Variants in MYO5A observed in about 807,000 individuals in gnomAD.
MYO5A encodes unconventional myosin-Va.
In MYO5A, 98 loss-of-function variants were observed where a neutral mutation model predicts 249.7. That is an observed-to-expected ratio of 0.39 (90% CI 0.33 to 0.46). The LOEUF is 0.46. Ranked by LOEUF, MYO5A falls within the 20% of genes least tolerant of loss-of-function variation. The pLI is 0.98. For missense variants in MYO5A, 1,696 were observed against 2,308.8 expected, an observed-to-expected ratio of 0.73 and a Z score of 5.44; for synonymous variants, 778 against 810.6, an observed-to-expected ratio of 0.96 and a Z score of 0.68.
intron 1 of MYO5A, among the ~76,000 whole-genome samples, chr15:52,444,848 T>C (rs1055185283): frequency 3.3e-5 from 5 of 152,180 alleles, no homozygotes; most frequent in Non-Finnish European, 7.3e-5. Context: ...TTTTTTAAAT[T>C]TTAACTAAAA....
At chr15:52,323,936 G>A (rs961296706) in intron 36 of MYO5A, 5 of 169,944 alleles carry the variant, frequency 2.9e-5, no homozygotes, top group Admixed American at 2.0e-4. Context: ...TCCAGGAGGC[G>A]GAGATTGTAG....
rs569148566 is a variant in MYO5A at position 52,331,604 on chromosome 15, T to A, written c.4409-1105A>T. ...TTAATATTGCTGACTCCACGAGGTG[T>A]CAGTAGTGCTTCTTGTGTCACTCTG... On this transcript the variant is annotated intron_variant, in intron 34 of 41. Coordinates refer to ENST00000399233, the MANE Select transcript of MYO5A (RefSeq NM_001382347.1). 82 of 885,416 alleles carry A rather than the reference T, an allele frequency of 9.3e-5. No individual in the cohort carries two copies. In the African/African-American group the frequency reaches 1.5e-3, roughly 16 times the overall value. 54.8% of individuals were successfully genotyped at this position (885,416 alleles called of 1,614,324 possible).
At chr15:52,430,367 TA>T (rs2075500108) in intron 2 of MYO5A, among the ~76,000 whole-genome samples, 1 of 152,184 alleles carries the variant, frequency 6.6e-6, no homozygotes, top group Admixed American at 6.5e-5. Flanking sequence ...GAAATTGAAA[TA>T]TTAGAGAAGA....
At chr15:52,334,934 T>A (rs1187266213) in intron 34 of MYO5A, among the ~76,000 whole-genome samples, 1 of 152,236 alleles carries the variant, frequency 6.6e-6, no homozygotes, top group African/African-American at 2.4e-5. Context: ...CATATGACTC[T>A]GGTCTCAAAG....
At chr15:52,355,730 T>C (rs1014965568) in intron 25 of MYO5A, among the ~76,000 whole-genome samples, 6 of 152,344 alleles carry the variant, frequency 3.9e-5, no homozygotes, top group Admixed American at 3.9e-4. Flanking sequence ...AATGTAGAGA[T>C]GATTTAAAGA....
intron 1 of MYO5A, among the ~76,000 whole-genome samples, chr15:52,521,346 C>T (rs963736509): frequency 1.2e-4 from 19 of 152,108 alleles, no homozygotes; most frequent in African/African-American, 4.6e-4. Context: ...TTTACTTCTC[C>T]TATTCTGAAA....
intron 3 of MYO5A, among the ~76,000 whole-genome samples, chr15:52,427,456 G>T (rs1255455413): frequency 6.6e-6 from 1 of 152,090 alleles, no homozygotes; most frequent in African/African-American, 2.4e-5. Flanking sequence ...GTAAGGAGGG[G>T]TTTCTGACTT....
At chr15:52,390,687 G>A (rs950861355) in intron 12 of MYO5A, among the ~76,000 whole-genome samples, 1 of 151,294 alleles carries the variant, frequency 6.6e-6, no homozygotes, top group Non-Finnish European at 1.5e-5. Context: ...AGCCTCCCAA[G>A]TAGCTGGGAC....
At position 52,369,869 on chromosome 15, in the gene MYO5A, CTTT is replaced by C. The variant is rs5812601; in HGVS notation, c.3066+297_3066+299del. 1.9e-3 allele frequency among the ~76,000 whole-genome samples: 180 copies of C among 93,792 alleles called. 1 individual carries two copies. The highest frequency in any genetic ancestry group is 6.0e-3 in the African/African-American group (164 of 27,386). 61.5% of individuals were successfully genotyped at this position (93,792 alleles called of 152,430 possible). The stretch of plus-strand genomic sequence containing the variant: ...AAAAGGAGTCTATGCCCCAGACTGA[CTTT>C]TTTTTTTTTTTTTTTTTTTTAATAT... On this transcript the variant is annotated intron_variant, in intron 22 of 41. Transcript: ENST00000399233.
chr15:52,483,892 T>C (rs1486372660), intron 1 of MYO5A, among the ~76,000 whole-genome samples: 1 of 152,208 alleles, frequency 6.6e-6, no homozygotes, highest in Non-Finnish European at 1.5e-5. Flanking sequence ...AAATGAATCA[T>C]TCTGACCAAA....
rs762392915 is a variant in MYO5A at position 52,383,203 on chromosome 15, G to A, written c.1915-15C>T. 3 of 1,581,524 alleles carry A rather than the reference G, an allele frequency of 1.9e-6. No individual in the cohort carries two copies. The highest frequency in any genetic ancestry group is 2.6e-6 in the Non-Finnish European group (3 of 1,150,368). ...GAGTTTCTGAACTGCATGAAAAAGG[G>A]CAGAAGAGGGTATCAAGGCTTTGTC... On this transcript the variant is annotated splice_polypyrimidine_tract_variant and intron_variant, in intron 15 of 41. Coordinates refer to ENST00000399233, the MANE Select transcript of MYO5A (RefSeq NM_001382347.1).
Position 52,321,449 on chromosome 15 carries a change from C to G in MYO5A, c.4861G>C (p.Ala1621Pro). The change falls in exon 38 of 42, where the codon GCT becomes CCT. Residue 1621 changes from alanine to proline, a missense_variant. By Grantham distance (27) the Ala-to-Pro change is conservative (BLOSUM62 -1). Around this residue, in one of 5 missense-constraint regions of MYO5A, gnomAD observed 625 missense variants for 908.1 expected, o/e 0.69. Transcript: ENST00000399233. ...TCACTCAGCACCTGCCGATACTCAG[C>G]CAGGTCAAAATTGGTGAGGCAGTGT... ...NEHCLTNFDLAEYRQVLSDLA... is the reference protein window; with the variant it reads ...NEHCLTNFDLPEYRQVLSDLA... The G allele has an allele frequency of 6.2e-7, 1 of 1,614,180 alleles. No homozygotes were observed. The highest frequency in any genetic ancestry group is 8.5e-7 in the Non-Finnish European group (1 of 1,180,010).
chr15:52,377,514 A>C (rs951321256), intron 18 of MYO5A, among the ~76,000 whole-genome samples: 1 of 152,026 alleles, frequency 6.6e-6, no homozygotes, highest in Non-Finnish European at 1.5e-5. Flanking sequence ...CAAATCATTA[A>C]TCATTCTTGC....
At chr15:52,461,927 C>T (rs571322672) in intron 1 of MYO5A, among the ~76,000 whole-genome samples, 11 of 149,420 alleles carry the variant, frequency 7.4e-5, no homozygotes, top group Non-Finnish European at 1.2e-4. Flanking sequence ...CGCCACTGTA[C>T]TCTAGCCAGC....
rs2037695651 is a variant in MYO5A, at chr15:52,308,931, C to T, written c.*4765G>A. The T allele has an allele frequency of 6.5e-6, 1 of 152,860 alleles. No homozygotes were observed. The highest frequency in any genetic ancestry group is 1.9e-4 in the East Asian group (1 of 5,212). The allele number at this position is 152,860 out of a possible 1,614,324, so 9.5% of individuals were successfully genotyped here. A position where few individuals can be genotyped will look rare whatever the true frequency, so the allele number is the denominator to read the frequency against. On this transcript the variant is annotated 3_prime_UTR_variant, in exon 42 of 42. Transcript: ENST00000399233. ...CTTCAACGCGCATGCACACGACACC[C>T]CTCCTAGCACCCATCAACACCTACG...
intron 37 of MYO5A, 135 bp downstream of exon 37, chr15:52,323,220 A>G (rs2038417883): frequency 1.4e-6 from 1 of 710,488 alleles, no homozygotes; most frequent in Admixed American, 2.1e-5. Flanking sequence ...AACATCAAAC[A>G]AAGCAAGAAC....
chr15:52,510,544 G>C (rs914203623), intron 1 of MYO5A, among the ~76,000 whole-genome samples: 1 of 152,232 alleles, frequency 6.6e-6, no homozygotes, highest in Non-Finnish European at 1.5e-5. Flanking sequence ...TGGTGAGCTA[G>C]CGAGCAATAC....
At chr15:52,484,675 C>T (rs1429624747) in intron 1 of MYO5A, among the ~76,000 whole-genome samples, 2 of 152,220 alleles carry the variant, frequency 1.3e-5, no homozygotes, top group East Asian at 1.9e-4. Context: ...GACAGAGTCT[C>T]GCTCTGTCCC....
At chr15:52,522,304 C>T (rs1342654101) in intron 1 of MYO5A, among the ~76,000 whole-genome samples, 1 of 152,084 alleles carries the variant, frequency 6.6e-6, no homozygotes, top group African/African-American at 2.4e-5. Flanking sequence ...ACTCATCAAA[C>T]TGTACACTTA....
Sources: gnomAD v4.1 joint callset for allele counts (sites outside exome capture counted in the v4.1 genomes callset) on GRCh38, gnomAD v4.1.1 for gene constraint, gnomAD v4.1.1 regional missense constraint, MANE v1.5 for transcripts, NCBI Gene and HGNC (gene_info 2026-07-23, HGNC 2026-07-21) for gene names.